The following CAMSAP1 variants were observed in gnomAD, a reference collection of about 807,000 sequenced individuals.
CAMSAP1 encodes calmodulin regulated spectrin associated protein 1.
Under a neutral mutation model 143.5 loss-of-function variants are expected in CAMSAP1, and 58 were observed. The ratio of observed to expected loss-of-function variants is 0.40; its 90% CI spans 0.33 to 0.50. CAMSAP1 has a LOEUF of 0.50. Among genes scored for constraint, CAMSAP1 ranks in the 20% least tolerant of loss-of-function variants. The pLI is 0.45. For missense variants in CAMSAP1, 1,969 were observed against 2,115.7 expected (o/e 0.93, Z 1.36); for synonymous variants, 945 against 859.3 (o/e 1.10, Z -1.74).
In CAMSAP1 at chr9:135,818,587, T is replaced by G; in HGVS notation, c.3989A>C (p.Lys1330Thr). ...CTCGCGCCGCGCCTTCTCCTCCTCC[T>G]TCCGCACCCGGTCTTCCTCAGCTTT... ...RRKAEEDRVR[K>T]EEEKARRELI... Residue 1330 changes from lysine (K) to threonine (T), a missense_variant, in exon 13 of 17, where the codon AAG becomes ACG. This residue lies in a region of CAMSAP1 where 1,390 missense variants were observed against 1,420.8 expected (regional missense o/e 0.98). Coordinates refer to ENST00000389532, the MANE Select transcript of CAMSAP1 (RefSeq NM_015447.4). This position sits in a 1 kb window ranked among gnomAD's most constrained non-coding sequence, Gnocchi z 7.7. 6.2e-7 allele frequency: 1 copy of G among 1,613,318 alleles called. No individual in the cohort carries two copies. The highest frequency in any genetic ancestry group is 8.5e-7 in the Non-Finnish European group (1 of 1,179,802).
intron 1 of CAMSAP1, among the ~76,000 whole-genome samples, chr9:135,903,581 T>C (rs1838679749): frequency 6.6e-6 from 1 of 152,206 alleles, no homozygotes; most frequent in South Asian, 2.1e-4. Context: ...CTCAAAAGGC[T>C]AATGCAAAAC....
chr9:135,905,224 G>C (rs17040534), intron 1 of CAMSAP1, among the ~76,000 whole-genome samples: 3,257 of 152,332 alleles, frequency 0.021, 127 homozygotes, highest in African/African-American at 0.073. Flanking sequence ...GGTACCGGAA[G>C]TGAAACTAGA....
In CAMSAP1 at chr9:135,882,795, C is replaced by T. The variant is rs970454300; in HGVS notation, c.423+21G>A. On this transcript the variant is annotated intron_variant, in intron 2 of 16. Transcript: ENST00000389532. This position sits in a 1 kb window ranked among gnomAD's most constrained non-coding sequence, Gnocchi z 4.9. ...GGCTCCAGAGGATGGCCCCTGGGGG[C>T]GGCCACCGCAGACCACTCACCATTT... The T allele has an allele frequency of 1.2e-5, 19 of 1,540,060 alleles. 1 individual carries two copies. The South Asian group carries it at 1.6e-4, about 13-fold the overall frequency.
At position 135,821,142 on chromosome 9, in the gene CAMSAP1, A is replaced by C; in HGVS notation, c.3519T>G (p.Asp1173Glu). The C allele has an allele frequency of 6.2e-7, 1 of 1,612,924 alleles. No individual in the cohort carries two copies. Among genetic ancestry groups the C allele is most frequent in the Non-Finnish European group, 8.5e-7 (1 of 1,179,898 alleles). The change falls in exon 11 of 17, where the codon GAT becomes GAG. Residue 1173 changes from aspartate (D) to glutamate (E), a missense_variant. By Grantham distance (45) the Asp-to-Glu change is conservative. This residue lies in a region of CAMSAP1 where 1,390 missense variants were observed against 1,420.8 expected (regional missense o/e 0.98). Coordinates refer to ENST00000389532, the MANE Select transcript of CAMSAP1 (RefSeq NM_015447.4). The surrounding 1 kb of genome is among the most constrained non-coding windows in gnomAD (Gnocchi z 4.6). ...GAGTAAGTGTCCGCTGATTGCTTTCATCATGGAGCCTGTAACTGTCGAAGA... is the reference window on the plus strand; with the variant it reads ...GAGTAAGTGTCCGCTGATTGCTTTCCTCATGGAGCCTGTAACTGTCGAAGA... Reference protein sequence around the residue: ...KCLFDSYRLHDESNQRTLTLS... With the variant: ...KCLFDSYRLHEESNQRTLTLS...
chr9:135,863,309 A>G (rs898218171), intron 4 of CAMSAP1, among the ~76,000 whole-genome samples: 15 of 152,170 alleles, frequency 9.9e-5, no homozygotes, highest in African/African-American at 3.6e-4. Flanking sequence ...CTGTATCTGC[A>G]TGTCAGCGAA....
At chr9:135,893,858 T>C (rs533182306) in intron 1 of CAMSAP1, among the ~76,000 whole-genome samples, 1 of 152,184 alleles carries the variant, frequency 6.6e-6, no homozygotes, top group Non-Finnish European at 1.5e-5. Context: ...CTCTCCCTGT[T>C]CCTCTCCTCT....
At chr9:135,829,618 C>T (rs1361537021) in intron 7 of CAMSAP1, among the ~76,000 whole-genome samples, 1 of 152,122 alleles carries the variant, frequency 6.6e-6, no homozygotes, top group African/African-American at 2.4e-5. Context: ...CTTTTCGAGG[C>T]CGAAGCTGGT....
In CAMSAP1 at chr9:135,879,357, A is replaced by G. The variant is rs191420519; in HGVS notation, c.585+2276T>C. ...GAAAAGTCACTTACAAATGCACAGC[A>G]AATGAGAAACGTGACCAAGCAGGGG... On this transcript the variant is annotated intron_variant, in intron 3 of 16. Transcript: ENST00000389532. Among the ~76,000 whole-genome samples the G allele has an allele frequency of 2.0e-5, 3 of 152,306 alleles. No individual in the cohort carries two copies. In the East Asian group the frequency reaches 5.8e-4, roughly 29 times the overall value.
intron 3 of CAMSAP1, among the ~76,000 whole-genome samples, chr9:135,877,514 GA>G (rs1191380611): frequency 7.3e-6 from 1 of 136,326 alleles, no homozygotes; most frequent in Non-Finnish European, 1.6e-5. Flanking sequence ...AAAAAAAAAA[GA>G]AAAAAACAGG....
chr9:135,823,405 A>G (rs72771926), intron 10 of CAMSAP1, 145 bp from the exon 11 acceptor site: 35,738 of 937,720 alleles, frequency 0.038, 894 homozygotes, highest in Non-Finnish European at 0.048. Context: ...CACAGAGCAG[A>G]AGAAAATCAG....
chr9:135,834,901 C>T (rs1287020547), intron 7 of CAMSAP1, among the ~76,000 whole-genome samples: 1 of 152,084 alleles, frequency 6.6e-6, no homozygotes, highest in African/African-American at 2.4e-5. Flanking sequence ...AGGACCTGCC[C>T]CCATCTTCCC....
intron 7 of CAMSAP1, among the ~76,000 whole-genome samples, chr9:135,844,631 A>T (rs1374680326): frequency 1.3e-5 from 2 of 152,218 alleles, no homozygotes; most frequent in African/African-American, 4.8e-5. Context: ...CCACACTAAT[A>T]AAGAAGAAAA....
intron 5 of CAMSAP1, among the ~76,000 whole-genome samples, chr9:135,855,500 A>C (rs957482308): frequency 6.6e-6 from 1 of 152,000 alleles, no homozygotes; most frequent in African/African-American, 2.4e-5. Context: ...GCACTTTCAG[A>C]GGCCAAGGCG....
At chr9:135,880,835 C>T (rs577699573) in intron 3 of CAMSAP1, among the ~76,000 whole-genome samples, 8 of 152,184 alleles carry the variant, frequency 5.3e-5, no homozygotes, top group South Asian at 2.1e-4. Context: ...CCAAAGGCTC[C>T]GGTAAGGTAA....
rs749718056 is a variant in CAMSAP1 at position 135,817,948 on chromosome 9, C to T, written c.4271+29G>A. The stretch of plus-strand genomic sequence containing the variant: ...TGCCCCTCCGAACGTCCTCCAGCCC[C>T]GTGCCGGCGGCCGTCTCAGGCCCCT... On this transcript the variant is annotated intron_variant, in intron 14 of 16. Coordinates refer to ENST00000389532, the MANE Select transcript of CAMSAP1 (RefSeq NM_015447.4). 45 of 1,602,122 alleles carry T rather than the reference C, an allele frequency of 2.8e-5. No homozygotes were observed. The South Asian group carries it at 3.4e-4, about 12-fold the overall frequency.
intron 5 of CAMSAP1, among the ~76,000 whole-genome samples, chr9:135,850,667 T>C (rs1836743687): frequency 6.6e-6 from 1 of 152,196 alleles, no homozygotes; most frequent in South Asian, 2.1e-4. Flanking sequence ...CTCTCAAGTC[T>C]GAATTTGATG....
chr9:135,837,910 C>A (rs1369024177), intron 7 of CAMSAP1, among the ~76,000 whole-genome samples: 3 of 151,136 alleles, frequency 2.0e-5, no homozygotes, highest in Non-Finnish European at 4.4e-5. Context: ...CACACGTTAT[C>A]ACGCACTTTC....
chr9:135,869,236 C>T (rs1440269280), intron 3 of CAMSAP1, among the ~76,000 whole-genome samples: 1 of 152,036 alleles, frequency 6.6e-6, no homozygotes, highest in East Asian at 1.9e-4. Context: ...GGCACGGTGG[C>T]TCACACCTGT....
At chr9:135,816,563 CA>C (rs1261176629) in intron 14 of CAMSAP1, among the ~76,000 whole-genome samples, 1 of 152,216 alleles carries the variant, frequency 6.6e-6, no homozygotes, top group African/African-American at 2.4e-5. Context: ...GCTGCTCTCA[CA>C]AGGGAGGCAG....
Sources: gnomAD v4.1 joint callset for allele counts (sites outside exome capture counted in the v4.1 genomes callset) on GRCh38, gnomAD v4.1.1 for gene constraint, gnomAD v4.1.1 regional missense constraint, Gnocchi (gnomAD v3.1) non-coding constraint, MANE v1.5 for transcripts, NCBI Gene and HGNC (gene_info 2026-07-23, HGNC 2026-07-21) for gene names.